The following CHODL variants were observed in gnomAD, a reference collection of about 807,000 sequenced individuals.
The protein encoded by CHODL is chondrolectin.
In CHODL, 29 loss-of-function variants were observed where a neutral mutation model predicts 34.5. That is an observed-to-expected ratio of 0.84 (90% CI 0.63 to 1.15). The LOEUF (loss-of-function observed/expected upper bound fraction) is 1.15. Among genes scored for constraint, CHODL ranks in the 50% most tolerant of loss-of-function variants. CHODL has a pLI of 0.00. For synonymous variants in CHODL, 125 were observed against 116.1 expected (o/e 1.08, Z -0.49); for missense variants, 332 against 332.5 (o/e 1.00, Z 0.01).
chr21:18,237,115 C>G (rs1028003119), intron 2 of CHODL, among the ~76,000 whole-genome samples: 5 of 152,048 alleles, frequency 3.3e-5, no homozygotes, highest in Non-Finnish European at 7.4e-5. Context: ...TGAAAATCAA[C>G]CACATGTTAA....
intron 2 of CHODL, among the ~76,000 whole-genome samples, chr21:18,050,456 C>T (rs986968524): frequency 6.6e-6 from 1 of 151,924 alleles, no homozygotes; most frequent in Non-Finnish European, 1.5e-5. Context: ...ATACAGGGAT[C>T]CCATTTAAAG....
intron 2 of CHODL, among the ~76,000 whole-genome samples, chr21:18,060,103 G>A (rs1043602306): frequency 3.3e-5 from 5 of 152,078 alleles, no homozygotes; most frequent in East Asian, 1.9e-4. Flanking sequence ...TGATCGCTTC[G>A]TATCAATTTT....
At chr21:17,938,493 T>TTTTTTTAG (rs1568806953) in intron 1 of CHODL, among the ~76,000 whole-genome samples, 1 of 54,032 alleles carries the variant, frequency 1.9e-5, no homozygotes, top group African/African-American at 8.1e-5. Flanking sequence ...TTTTTTTTTT[T>TTTTTTTAG]AAGGAAAGGG....
chr21:18,087,508 G>A (rs776568343), intron 2 of CHODL, among the ~76,000 whole-genome samples: 6 of 152,080 alleles, frequency 3.9e-5, no homozygotes, highest in Non-Finnish European at 7.4e-5. Flanking sequence ...TCAGTCTCAC[G>A]GCAGCCCATT....
chr21:18,054,131 C>G (rs1023662725), intron 2 of CHODL, among the ~76,000 whole-genome samples: 34 of 151,742 alleles, frequency 2.2e-4, no homozygotes, highest in Non-Finnish European at 1.5e-4. Flanking sequence ...TGCAGTAATT[C>G]TGCTATGTTT....
Position 18,266,129 on chromosome 21 carries a change from A to C in CHODL, c.*91A>C. The C allele has an allele frequency of 6.2e-7, 1 of 1,606,586 alleles. No individual in the cohort carries two copies. The highest frequency in any genetic ancestry group is 1.1e-5 in the South Asian group (1 of 90,262). ...ATAGCTTGGAATGGCTTGAAATCAC[A>C]AAGGATCTGCAAGATGAACTGTAAG... On this transcript the variant is annotated 3_prime_UTR_variant, in exon 6 of 6. Coordinates refer to ENST00000299295, the MANE Select transcript of CHODL (RefSeq NM_024944.3).
chr21:18,238,143 G>T (rs923319431), intron 2 of CHODL, among the ~76,000 whole-genome samples: 6 of 152,040 alleles, frequency 3.9e-5, no homozygotes, highest in Non-Finnish European at 8.8e-5. Context: ...ATTAACTTGG[G>T]TTAGAGAAAA....
At chr21:18,004,971 T>C (rs1344319194) in intron 1 of CHODL, among the ~76,000 whole-genome samples, 2 of 152,244 alleles carry the variant, frequency 1.3e-5, no homozygotes, top group East Asian at 1.9e-4. Flanking sequence ...TGCTTATTAG[T>C]TGCCAAATAC....
At chr21:18,012,673 A>G (rs1012392501) in intron 1 of CHODL, among the ~76,000 whole-genome samples, 9 of 152,204 alleles carry the variant, frequency 5.9e-5, no homozygotes, top group African/African-American at 1.9e-4. Context: ...CTTACAAAAT[A>G]TCTTGCATTA....
intron 2 of CHODL, among the ~76,000 whole-genome samples, chr21:18,066,222 T>A (rs1309061908): frequency 6.6e-6 from 1 of 152,190 alleles, no homozygotes; most frequent in Non-Finnish European, 1.5e-5. Context: ...TGATTTGCAA[T>A]CTTGTTCCAT....
intron 1 of CHODL, among the ~76,000 whole-genome samples, chr21:17,990,320 A>G (rs969084065): frequency 2.6e-5 from 4 of 152,088 alleles, no homozygotes; most frequent in Non-Finnish European, 4.4e-5. Context: ...ACTTCCCAAC[A>G]TTAGCTACAA....
chr21:17,964,157 G>A (rs1010491168), intron 1 of CHODL, among the ~76,000 whole-genome samples: 8 of 152,050 alleles, frequency 5.3e-5, no homozygotes, highest in African/African-American at 1.4e-4. Context: ...CTTTGAAGCC[G>A]AAATGAAATA....
chr21:18,073,156 A>G (rs2064825555), intron 2 of CHODL, among the ~76,000 whole-genome samples: 1 of 152,148 alleles, frequency 6.6e-6, no homozygotes, highest in Non-Finnish European at 1.5e-5. Flanking sequence ...AGTGTCTATT[A>G]TTAATACTCC....
chr21:18,262,175 G>T (rs2074390147), intron 4 of CHODL, among the ~76,000 whole-genome samples: 1 of 152,110 alleles, frequency 6.6e-6, no homozygotes, highest in Admixed American at 6.6e-5. Context: ...AATTGGAACA[G>T]TTTGATATCA....
chr21:18,175,714 C>G (rs2073300156), intron 2 of CHODL, among the ~76,000 whole-genome samples: 1 of 150,696 alleles, frequency 6.6e-6, no homozygotes, highest in African/African-American at 2.4e-5. Flanking sequence ...ATGGAACAAG[C>G]AAACGGTACT....
chr21:18,002,515 T>C (rs1024105944), intron 1 of CHODL, among the ~76,000 whole-genome samples: 1 of 152,210 alleles, frequency 6.6e-6, no homozygotes, highest in Admixed American at 6.5e-5. Flanking sequence ...TCCAGTGAGA[T>C]AGCTGCTCTG....
intron 2 of CHODL, among the ~76,000 whole-genome samples, chr21:18,207,659 CTTTTTTTT>C (rs34259143): frequency 3.6e-5 from 2 of 55,952 alleles, no homozygotes; most frequent in African/African-American, 1.8e-4. Flanking sequence ...AATCTCTCAG[CTTTTTTTT>C]TTTTTTTTTT....
intron 1 of CHODL, among the ~76,000 whole-genome samples, chr21:18,247,678 C>A (rs2074158539): frequency 6.6e-6 from 1 of 151,912 alleles, no homozygotes; most frequent in Admixed American, 6.6e-5. Context: ...TACGAATATG[C>A]AAAACAAGAT....
intron 2 of CHODL, among the ~76,000 whole-genome samples, chr21:18,156,950 G>T (rs1279605260): frequency 2.0e-5 from 3 of 152,192 alleles, no homozygotes; most frequent in Admixed American, 2.0e-4. Context: ...CAGCAAGTAT[G>T]CCTATCCTTG....
Sources: allele counts gnomAD v4.1 joint callset (sites outside exome capture counted in the v4.1 genomes callset), GRCh38; gene constraint gnomAD v4.1.1; transcripts MANE v1.5; gene names NCBI Gene and HGNC (gene_info 2026-07-23, HGNC 2026-07-21).